The following RP1 variants were observed in gnomAD, a reference collection of about 807,000 sequenced individuals.
RP1 encodes oxygen-regulated protein 1.
Under a neutral mutation model 14.8 loss-of-function variants are expected in RP1, and 16 were observed. That is an observed-to-expected ratio of 1.08 (90% CI 0.73 to 1.65). The LOEUF (loss-of-function observed/expected upper bound fraction) is 1.65, where lower values mean the gene tolerates loss of function less well. Ranked by LOEUF, RP1 falls within the 40% of genes most tolerant of loss-of-function variation. RP1 has a pLI of 0.00. For synonymous variants in RP1, 876 were observed against 883.6 expected, an observed-to-expected ratio of 0.99 and a Z score of 0.15; for missense variants, 2,631 against 2,535.0, an observed-to-expected ratio of 1.04 and a Z score of -0.81.
intron 1 of RP1, among the ~76,000 whole-genome samples, chr8:54,593,598 T>A (rs968874709): frequency 6.6e-6 from 1 of 152,124 alleles, no homozygotes; most frequent in Non-Finnish European, 1.5e-5. Flanking sequence ...CACTGCCACA[T>A]CCAGTGTATG....
At chr8:54,868,664 A>G (rs889474019) in intron 28 of RP1, among the ~76,000 whole-genome samples, 1 of 152,180 alleles carries the variant, frequency 6.6e-6, no homozygotes, top group Non-Finnish European at 1.5e-5. Context: ...ATTATCTTCT[A>G]CTGAAGAATT....
At chr8:54,666,317 G>T (rs1047339305) in intron 7 of RP1, among the ~76,000 whole-genome samples, 1 of 151,916 alleles carries the variant, frequency 6.6e-6, no homozygotes, top group African/African-American at 2.4e-5. Context: ...TGGGATTTGG[G>T]TATTTTTGCC....
At chr8:54,718,771 G>T (rs1808465682) in intron 15 of RP1, among the ~76,000 whole-genome samples, 1 of 152,128 alleles carries the variant, frequency 6.6e-6, no homozygotes, top group African/African-American at 2.4e-5. Flanking sequence ...CCAATTATAG[G>T]ACATTCTGGA....
intron 19 of RP1, among the ~76,000 whole-genome samples, chr8:54,744,322 G>A (rs1809172246): frequency 6.6e-6 from 1 of 152,124 alleles, no homozygotes; most frequent in Non-Finnish European, 1.5e-5. Flanking sequence ...AAGGGGAAGA[G>A]GGCAAGGGAG....
chr8:54,809,828 G>C (rs556813810), intron 24 of RP1, among the ~76,000 whole-genome samples: 7 of 152,354 alleles, frequency 4.6e-5, no homozygotes, highest in African/African-American at 1.7e-4. Context: ...TTGTGATGCA[G>C]TGTGATAGCG....
At chr8:54,737,438 T>C (rs1808960413) in intron 18 of RP1, among the ~76,000 whole-genome samples, 1 of 152,218 alleles carries the variant, frequency 6.6e-6, no homozygotes, top group African/African-American at 2.4e-5. Context: ...TACACTTAAG[T>C]GCTAATAGAT....
chr8:54,679,513 C>T (rs1395680514), intron 10 of RP1: 1 of 1,535,664 alleles, frequency 6.5e-7, no homozygotes, highest in Admixed American at 2.0e-5. Context: ...ATCATGTATA[C>T]ACATTTCCTG....
At chr8:54,819,088 G>A (rs1045054392) in intron 24 of RP1, among the ~76,000 whole-genome samples, 3 of 151,866 alleles carry the variant, frequency 2.0e-5, no homozygotes, top group African/African-American at 7.3e-5. Flanking sequence ...TCCTTTTTAA[G>A]ACCAATAACT....
chr8:54,629,113 G>C lies in RP1; in HGVS notation c.5231G>C (p.Gly1744Ala). The change falls in exon 4 of 4, where the codon GGC (glycine) becomes GCC (alanine). Residue 1744 changes from glycine to alanine, a missense_variant. Gly to Ala is a moderately conservative substitution (Grantham distance 60). Transcript: ENST00000220676. ...GAGGAAGGAGTACTGATTGACAAAG[G>C]CAAATGGCTTCTGAAAGAAAATCAT... ...DIEEGVLIDK[G>A]KWLLKENHLL... The C allele has an allele frequency of 6.2e-7, 1 of 1,614,078 alleles. No individual in the cohort carries two copies. Among genetic ancestry groups the C allele is most frequent in the South Asian group, 1.1e-5 (1 of 91,062 alleles).
intron 25 of RP1, among the ~76,000 whole-genome samples, chr8:54,851,650 T>G (rs1812063491): frequency 6.6e-6 from 1 of 152,244 alleles, no homozygotes; most frequent in Non-Finnish European, 1.5e-5. Context: ...CAGCTGGGTT[T>G]CACTCTGGGG....
chr8:54,680,079 T>A, intron 12 of RP1: 1 of 1,090,284 alleles, frequency 9.2e-7, no homozygotes, highest in South Asian at 2.8e-5. Context: ...ATTTACTATC[T>A]GTATTAATAG....
upstream of RP1, among the ~76,000 whole-genome samples, chr8:54,615,434 C>T (rs954628720): frequency 6.6e-6 from 1 of 152,176 alleles, no homozygotes; most frequent in Non-Finnish European, 1.5e-5. Context: ...TCCGATTAGA[C>T]CACAGGTAGT....
intron 18 of RP1, among the ~76,000 whole-genome samples, chr8:54,735,508 A>G (rs1277629314): frequency 6.6e-6 from 1 of 152,188 alleles, no homozygotes; most frequent in African/African-American, 2.4e-5. Flanking sequence ...CTGGCTAGAG[A>G]ATAGAGAATG....
At chr8:54,719,238 T>G (rs903719958) in intron 15 of RP1, among the ~76,000 whole-genome samples, 23 of 152,162 alleles carry the variant, frequency 1.5e-4, no homozygotes, top group African/African-American at 5.1e-4. Context: ...ACTTATTATC[T>G]GTATATGTGG....
chr8:54,699,978 ATAACT>A (rs1807974354), intron 13 of RP1, among the ~76,000 whole-genome samples: 1 of 152,216 alleles, frequency 6.6e-6, no homozygotes, highest in African/African-American at 2.4e-5. Context: ...ACATTGTACG[ATAACT>A]TTAATGCACT....
chr8:54,740,403 T>TAAAAAAAAAAA (rs34753388), intron 19 of RP1, among the ~76,000 whole-genome samples: 19 of 80,238 alleles, frequency 2.4e-4, no homozygotes, highest in African/African-American at 8.3e-4. Flanking sequence ...GCTTAAAAAG[T>TAAAAAAAAAAA]AAAAAAAAAA....
At chr8:54,738,150 T>C (rs1288856723) in intron 18 of RP1, among the ~76,000 whole-genome samples, 3 of 152,242 alleles carry the variant, frequency 2.0e-5, no homozygotes, top group East Asian at 1.9e-4. Context: ...TTGTTTATTG[T>C]TTTAATATAC....
chr8:54,725,318 C>A (rs886316437), intron 16 of RP1, among the ~76,000 whole-genome samples: 1 of 151,858 alleles, frequency 6.6e-6, no homozygotes, highest in Non-Finnish European at 1.5e-5. Flanking sequence ...CCTTTATTAT[C>A]GATTTTTAGT....
At chr8:54,581,154 C>G (rs961171116) in intron 1 of RP1, among the ~76,000 whole-genome samples, 9 of 152,004 alleles carry the variant, frequency 5.9e-5, no homozygotes, top group African/African-American at 1.9e-4. Context: ...ATCCCTCCCC[C>G]CTTCCCCCAC....
Sources: allele counts gnomAD v4.1 joint callset (sites outside exome capture counted in the v4.1 genomes callset), GRCh38; gene constraint gnomAD v4.1.1; transcripts MANE v1.5; gene names NCBI Gene and HGNC (gene_info 2026-07-23, HGNC 2026-07-21).